Variants in CCDC88C observed in about 807,000 individuals in gnomAD.
CCDC88C encodes the protein protein Daple.
Under a neutral mutation model 198.8 loss-of-function variants are expected in CCDC88C, and 131 were observed. The ratio of observed to expected loss-of-function variants is 0.66; its 90% CI spans 0.57 to 0.76. The LOEUF (loss-of-function observed/expected upper bound fraction) is 0.76, where lower values mean the gene tolerates loss of function less well. CCDC88C is among the 30% of genes least tolerant of loss of function. The pLI is 0.00. For synonymous variants in CCDC88C, 1,166 were observed against 1,114.7 expected, an observed-to-expected ratio of 1.05 and a Z score of -0.92; for missense variants, 2,553 against 2,631.6, an observed-to-expected ratio of 0.97 and a Z score of 0.65.
In CCDC88C at chr14:91,341,727, TG is replaced by T. The variant is rs541362381; in HGVS notation, c.483+652del. Among the ~76,000 whole-genome samples, 456 of 152,272 alleles carry T rather than the reference TG, an allele frequency of 3.0e-3. 6 individuals are homozygous for T. The highest frequency in any genetic ancestry group is 0.01 in the African/African-American group (432 of 41,552). On this transcript the variant is annotated intron_variant, in intron 6 of 29. Transcript: ENST00000389857. ...TCCACCTGGATACCGCCCCCTAGGGTGGGCGGCCTCCTTAGCTGATACCACC... is the reference window on the plus strand; with the variant it reads ...TCCACCTGGATACCGCCCCCTAGGGTGGCGGCCTCCTTAGCTGATACCACC...
At chr14:91,383,793 T>C (rs2139959147) in intron 3 of CCDC88C, among the ~76,000 whole-genome samples, 1 of 152,266 alleles carries the variant, frequency 6.6e-6, no homozygotes, top group East Asian at 1.9e-4. Flanking sequence ...GGGTCTCCAA[T>C]GAAGAGGACC....
rs111554584 is a variant in CCDC88C at position 91,343,471 on chromosome 14, C to T, written c.399+128G>A. 16 of 1,450,700 alleles carry T rather than the reference C, an allele frequency of 1.1e-5. No homozygotes were observed. In the African/African-American group the frequency reaches 1.7e-4, roughly 15 times the overall value. 89.9% of individuals were successfully genotyped at this position (1,450,700 alleles called of 1,614,324 possible). A position where few individuals can be genotyped will look rare whatever the true frequency, so the allele number is the denominator to read the frequency against. The stretch of plus-strand genomic sequence containing the variant: ...TGGCCACTCTCTTCCAGGAACCCAG[C>T]GGCCTTCTGTCATATTGGACTGAAA... On this transcript the variant is annotated intron_variant, in intron 5 of 29. Transcript: ENST00000389857.
In CCDC88C at chr14:91,388,810, G is replaced by C. The variant is rs143377403; in HGVS notation, c.270+19849C>G. On this transcript the variant is annotated intron_variant, in intron 3 of 29. Coordinates refer to ENST00000389857, the MANE Select transcript of CCDC88C (RefSeq NM_001080414.4). ...TTCTCCCTTTGGGGCTGGTGGAAAG[G>C]ACTTCCCTGGGTATTAATAGCCCTC... Among the ~76,000 whole-genome samples the C allele has an allele frequency of 3.8e-3, 581 of 152,260 alleles. 1 individual carries two copies. Among genetic ancestry groups the C allele is most frequent in the African/African-American group, 0.013 (551 of 41,552 alleles).
chr14:91,378,808 G>A (rs2139946274), intron 3 of CCDC88C: 1 of 152,316 alleles, frequency 6.6e-6, no homozygotes, highest in African/African-American at 2.4e-5. Context: ...CATCACTGAA[G>A]TTATGCTGCA....
chr14:91,345,943 AT>A (rs779311276), intron 4 of CCDC88C, among the ~76,000 whole-genome samples: 1 of 152,028 alleles, frequency 6.6e-6, no homozygotes, highest in African/African-American at 2.4e-5. Context: ...AAAAAAAAAA[AT>A]CTATGTGTTC....
intron 4 of CCDC88C, among the ~76,000 whole-genome samples, chr14:91,353,023 G>C (rs572283684): frequency 2.6e-5 from 4 of 152,362 alleles, no homozygotes; most frequent in African/African-American, 9.6e-5. Flanking sequence ...GGCTACGAGA[G>C]AGAGGTTTCC....
At position 91,273,206 on chromosome 14, in the gene CCDC88C, C is replaced by G. The variant is rs1439884822; in HGVS notation, c.5506G>C (p.Gly1836Arg). ...PQKLGAPEAL[G>R]GRETGSHTLQ... Reference sequence around the variant, plus strand: ...GTGTGGCTGCCTGTCTCTCTGCCCCCTAAGGCCTCAGGAGCCCCCAGCTTC... The same window carrying G: ...GTGTGGCTGCCTGTCTCTCTGCCCCGTAAGGCCTCAGGAGCCCCCAGCTTC... Residue 1836 changes from glycine (G) to arginine (R), a missense_variant, in exon 30 of 30, where the codon GGG becomes CGG. Transcript: ENST00000389857. This position sits in a 1 kb window ranked among gnomAD's most constrained non-coding sequence, Gnocchi z 5.6. 2 of 1,570,266 alleles carry G rather than the reference C, an allele frequency of 1.3e-6. No individual in the cohort carries two copies. The highest frequency in any genetic ancestry group is 1.7e-6 in the Non-Finnish European group (2 of 1,157,798).
At position 91,309,777 on chromosome 14, in the gene CCDC88C, T is replaced by A; in HGVS notation, c.2864+82A>T. ...CTCGGCAGTAGAGAGTTCATGGAGG[T>A]CTCAGGGGAGGGTGAGGAGCCTGCA... On this transcript the variant is annotated intron_variant, in intron 16 of 29. Transcript: ENST00000389857. The A allele has an allele frequency of 2.1e-6, 3 of 1,456,864 alleles. 1 individual carries two copies. The South Asian group carries it at 4.0e-5, about 19-fold the overall frequency. The allele number at this position is 1,456,864 out of a possible 1,614,324, so 90.2% of individuals were successfully genotyped here.
rs1012593808 is a variant in CCDC88C, at chr14:91,417,801, C to A, written c.-111G>T. The A allele has an allele frequency of 1.6e-6, 1 of 642,670 alleles. No homozygotes were observed. 39.8% of individuals were successfully genotyped at this position (642,670 alleles called of 1,614,324 possible). On this transcript the variant is annotated 5_prime_UTR_variant, in exon 1 of 30. Coordinates refer to ENST00000389857, the MANE Select transcript of CCDC88C (RefSeq NM_001080414.4). ...CAGCGGGCGCGGGGCTGCGGCGGCT[C>A]GCGCCCGGGAGACAAAGGCGGGGCG...
chr14:91,409,289 A>G (rs946191377), intron 2 of CCDC88C, among the ~76,000 whole-genome samples: 3 of 151,816 alleles, frequency 2.0e-5, no homozygotes, highest in African/African-American at 7.3e-5. Flanking sequence ...CCTGAGCTCA[A>G]GGGATCTTCC....
chr14:91,367,271 A>G (rs1482189547), intron 3 of CCDC88C, among the ~76,000 whole-genome samples: 1 of 152,228 alleles, frequency 6.6e-6, no homozygotes, highest in East Asian at 1.9e-4. Context: ...CGCCCAGCAC[A>G]GGCATTCAGG....
At chr14:91,310,831 C>G (rs937495385) in intron 15 of CCDC88C, among the ~76,000 whole-genome samples, 2 of 152,202 alleles carry the variant, frequency 1.3e-5, no homozygotes, top group African/African-American at 2.4e-5. Flanking sequence ...CCTGGTGTCA[C>G]AGTCATTCGC....
intron 4 of CCDC88C, among the ~76,000 whole-genome samples, chr14:91,355,348 G>C (rs1481365532): frequency 6.6e-6 from 1 of 152,196 alleles, no homozygotes; most frequent in Non-Finnish European, 1.5e-5. Context: ...CCAGAAGCCT[G>C]CACACCGCCT....
chr14:91,400,106 C>T (rs1429480047), intron 3 of CCDC88C, among the ~76,000 whole-genome samples: 1 of 152,038 alleles, frequency 6.6e-6, no homozygotes, highest in African/African-American at 2.4e-5. Context: ...ATCCCATGTC[C>T]TGCGTACACA....
chr14:91,394,847 C>T (rs985843327), intron 3 of CCDC88C, among the ~76,000 whole-genome samples: 7 of 152,168 alleles, frequency 4.6e-5, no homozygotes, highest in Non-Finnish European at 1.0e-4. Context: ...TGAATCAGAG[C>T]GCATTACTCC....
rs375841816 is a variant in CCDC88C, at chr14:91,331,866, C to G, written c.1051-5810G>C. On this transcript the variant is annotated intron_variant, in intron 10 of 29. Transcript: ENST00000389857. Reference sequence around the variant, plus strand: ...CCTGGCAAGCTGGGTATAGACTGTGCCCAGCTAGGTCTCTGCCCCTGGGTA... The same window carrying G: ...CCTGGCAAGCTGGGTATAGACTGTGGCCAGCTAGGTCTCTGCCCCTGGGTA... 1.7e-4 allele frequency among the ~76,000 whole-genome samples: 26 copies of G among 152,280 alleles called. No individual in the cohort carries two copies. In the East Asian group the frequency reaches 2.3e-3, roughly 14 times the overall value.
intron 16 of CCDC88C, 38 bp from the exon 17 acceptor site, chr14:91,308,530 C>T (rs753412526): frequency 3.7e-6 from 6 of 1,604,310 alleles, no homozygotes; most frequent in Non-Finnish European, 5.1e-6. Flanking sequence ...CACTTATCTA[C>T]TTCCTCTCCG....
chr14:91,304,830 A>C (rs1033704013), intron 19 of CCDC88C, among the ~76,000 whole-genome samples: 8 of 152,248 alleles, frequency 5.3e-5, no homozygotes, highest in African/African-American at 1.9e-4. Flanking sequence ...AAAAATTCAA[A>C]ATAGTAAGTC....
intron 2 of CCDC88C, among the ~76,000 whole-genome samples, chr14:91,413,350 G>C (rs917160974): frequency 3.3e-5 from 5 of 152,162 alleles, no homozygotes; most frequent in African/African-American, 9.7e-5. Flanking sequence ...TTACAGATCA[G>C]GAAATCAAGG....
Sources: gnomAD v4.1 joint callset for allele counts (sites outside exome capture counted in the v4.1 genomes callset) on GRCh38, gnomAD v4.1.1 for gene constraint, Gnocchi (gnomAD v3.1) non-coding constraint, MANE v1.5 for transcripts, NCBI Gene and HGNC (gene_info 2026-07-23, HGNC 2026-07-21) for gene names.